FAM83G: variants seen among roughly 807,000 people sequenced by gnomAD.
The protein encoded by FAM83G is protein FAM83G.
FAM83G carries 38 observed loss-of-function variants against 61.5 expected under a neutral mutation model. The ratio of observed to expected loss-of-function variants is 0.62; its 90% CI spans 0.48 to 0.81. FAM83G has a LOEUF of 0.81. FAM83G is among the 30% of genes least tolerant of loss of function. The probability of loss-of-function intolerance (pLI) is 0.00; values close to 1 mark genes in which losing one functional copy is unlikely to be tolerated. For synonymous variants in FAM83G, 470 were observed against 476.1 expected (o/e 0.99, Z 0.17); for missense variants, 989 against 1,133.6 (o/e 0.87, Z 1.83).
At position 18,969,568 on chromosome 17, in the gene FAM83G, C is replaced by T; in HGVS notation, c.*1791G>A. On this transcript the variant is annotated 3_prime_UTR_variant, in exon 6 of 6. Transcript: ENST00000388995. The stretch of plus-strand genomic sequence containing the variant: ...TGGGTGGGTTCAGGAGGTTGAGCCA[C>T]TAGGCAGTCAGCCCCCCTGCTGGCC... 1 of 689,610 alleles carries T rather than the reference C, an allele frequency of 1.5e-6. No homozygotes were observed. Among genetic ancestry groups the T allele is most frequent in the Non-Finnish European group, 2.4e-6 (1 of 422,302 alleles). 42.7% of individuals were successfully genotyped at this position (689,610 alleles called of 1,614,324 possible).
intron 2 of FAM83G, among the ~76,000 whole-genome samples, chr17:18,992,033 G>A (rs758313769): frequency 1.8e-4 from 27 of 152,144 alleles, no homozygotes; most frequent in Non-Finnish European, 3.7e-4. Flanking sequence ...CTCCTCCAGT[G>A]AGCCAACAGC....
intron 2 of FAM83G, among the ~76,000 whole-genome samples, chr17:18,992,369 C>T (rs1318940964): frequency 1.3e-5 from 2 of 152,136 alleles, no homozygotes; most frequent in Non-Finnish European, 2.9e-5. Context: ...CCCCAGTGCC[C>T]TGCCAGGAGC....
At chr17:18,985,708 A>G (rs564292534) in intron 3 of FAM83G, among the ~76,000 whole-genome samples, 3 of 152,318 alleles carry the variant, frequency 2.0e-5, no homozygotes, top group African/African-American at 7.2e-5. Flanking sequence ...GCCAGGTCAC[A>G]CTTTCCCATG....
At chr17:18,995,126 C>T (rs1884640474) in intron 2 of FAM83G, among the ~76,000 whole-genome samples, 2 of 152,182 alleles carry the variant, frequency 1.3e-5, no homozygotes, top group African/African-American at 2.4e-5. Flanking sequence ...TTAAAAATTA[C>T]CAGACACACA....
chr17:18,981,350 C>G (rs1201146478), intron 3 of FAM83G, among the ~76,000 whole-genome samples: 1 of 152,082 alleles, frequency 6.6e-6, no homozygotes, highest in East Asian at 1.9e-4. Context: ...GCCTGCAGAG[C>G]GAGCAGGGGC....
chr17:18,984,571 C>T (rs909035142), intron 3 of FAM83G, among the ~76,000 whole-genome samples: 10 of 152,348 alleles, frequency 6.6e-5, no homozygotes, highest in South Asian at 4.1e-4. Flanking sequence ...TCATCAGAAA[C>T]GGGAAACGGG....
chr17:19,002,477 T>C (rs756376004), intron 2 of FAM83G, among the ~76,000 whole-genome samples: 12 of 152,208 alleles, frequency 7.9e-5, no homozygotes, highest in Non-Finnish European at 1.6e-4. Context: ...GAAGCCAGCA[T>C]TCTGGTCTTC....
intron 2 of FAM83G, among the ~76,000 whole-genome samples, chr17:18,989,431 C>A (rs1459176921): frequency 6.7e-6 from 1 of 149,000 alleles, no homozygotes; most frequent in East Asian, 2.0e-4. Flanking sequence ...CCCATCTGGG[C>A]TCCTCCTGGG....
rs142851713 is a variant in FAM83G, at chr17:19,000,275, G to A, written c.522+3245C>T. On this transcript the variant is annotated intron_variant, in intron 2 of 5. Transcript: ENST00000388995. The surrounding 1 kb of genome is among the most constrained non-coding windows in gnomAD (Gnocchi z 5.2). ...TGAGAGTGAGACCTGGGACCCACCC[G>A]CCTCTTGTCCCAGGGGAGTCTAGGA... Among the ~76,000 whole-genome samples, 12 of 152,290 alleles carry A rather than the reference G, an allele frequency of 7.9e-5. No homozygotes were observed. The highest frequency in any genetic ancestry group is 2.2e-4 in the African/African-American group (9 of 41,562).
In FAM83G at chr17:18,969,465, C is replaced by T. The variant is rs540340579; in HGVS notation, c.*1894G>A. On this transcript the variant is annotated 3_prime_UTR_variant, in exon 6 of 6. Coordinates refer to ENST00000388995, the MANE Select transcript of FAM83G (RefSeq NM_001039999.3). ...GGCCATGGCGGGGCTGTCCCCACAG[C>T]GAGCCCTTTGGAGTCTGGCACTGCC... is the stretch of plus-strand genomic sequence containing the variant. 7 of 1,579,270 alleles carry T rather than the reference C, an allele frequency of 4.4e-6. No homozygotes were observed. The highest frequency in any genetic ancestry group is 2.2e-5 in the East Asian group (1 of 44,698).
At chr17:18,982,728 C>A (rs1255869666) in intron 3 of FAM83G, among the ~76,000 whole-genome samples, 1 of 152,202 alleles carries the variant, frequency 6.6e-6, no homozygotes, top group Non-Finnish European at 1.5e-5. Context: ...GACATGTGAT[C>A]CAACTGTGCC....
At chr17:18,972,852 G>A (rs1597837454) in intron 5 of FAM83G, among the ~76,000 whole-genome samples, 1 of 146,880 alleles carries the variant, frequency 6.8e-6, no homozygotes, top group African/African-American at 2.5e-5. Context: ...CTGGGGGACA[G>A]AGCGAGACTC....
chr17:18,993,822 G>A (rs1014866679), intron 2 of FAM83G, among the ~76,000 whole-genome samples: 1 of 152,224 alleles, frequency 6.6e-6, no homozygotes, highest in African/African-American at 2.4e-5. Flanking sequence ...GAAGCTGCAT[G>A]ACCTTGGGCA....
chr17:18,999,255 G>A (rs577795952), intron 2 of FAM83G, among the ~76,000 whole-genome samples: 1 of 152,104 alleles, frequency 6.6e-6, no homozygotes, highest in East Asian at 1.9e-4. Flanking sequence ...TCCAGCCTGG[G>A]CGACAGAGCA....
At chr17:19,001,012 G>A (rs2043716311) in intron 2 of FAM83G, among the ~76,000 whole-genome samples, 1 of 152,166 alleles carries the variant, frequency 6.6e-6, no homozygotes, top group African/African-American at 2.4e-5. Flanking sequence ...GGATAGCCTA[G>A]AGTTTGAGGG....
rs746705113 is a variant in FAM83G at position 18,988,462 on chromosome 17, G to A, written c.523-48C>T. The A allele has an allele frequency of 2.3e-5, 36 of 1,596,500 alleles. 1 individual carries two copies. The South Asian group carries it at 3.4e-4, about 15-fold the overall frequency. Reference sequence around the variant, plus strand: ...GGGCCTGTCAGACAGTGCAGCAGTGGGGACAGGGTGCCCTGGCAGAGCGCA... The same window carrying A: ...GGGCCTGTCAGACAGTGCAGCAGTGAGGACAGGGTGCCCTGGCAGAGCGCA... On this transcript the variant is annotated intron_variant, in intron 2 of 5. Coordinates refer to ENST00000388995, the MANE Select transcript of FAM83G (RefSeq NM_001039999.3).
chr17:18,971,325 C>T lies in FAM83G; in HGVS notation c.*34G>A, dbSNP rs1457335889. 6.2e-7 allele frequency: 1 copy of T among 1,606,856 alleles called. No homozygotes were observed. ...CCGCGTCATGAGTCTGGGCTGGGGC[C>T]TCAGAAGGTGTGGCTCCAGGCTGGG... On this transcript the variant is annotated 3_prime_UTR_variant, in exon 6 of 6. Transcript: ENST00000388995. This position sits in a 1 kb window ranked among gnomAD's most constrained non-coding sequence, Gnocchi z 5.5.
rs113671266 is a variant in FAM83G at position 18,971,614 on chromosome 17, A to C, written c.2217T>G (p.Ala739=). 1 of 1,613,334 alleles carries C rather than the reference A, an allele frequency of 6.2e-7. No individual in the cohort carries two copies. The highest frequency in any genetic ancestry group is 1.3e-5 in the African/African-American group (1 of 74,890). The change falls in exon 6 of 6, where the codon GCT becomes GCG. Residue 739 remains alanine (A), a synonymous_variant. Coordinates refer to ENST00000388995, the MANE Select transcript of FAM83G (RefSeq NM_001039999.3). This position sits in a 1 kb window ranked among gnomAD's most constrained non-coding sequence, Gnocchi z 5.5. ...SSTRNAGPAM[A]GPHHWQAKGG... The stretch of plus-strand genomic sequence containing the variant: ...CCTTGGCCTGCCAGTGGTGGGGGCC[A>C]GCCATGGCTGGGCCAGCGTTTCTGG...
intron 2 of FAM83G, among the ~76,000 whole-genome samples, chr17:18,992,592 C>T (rs968252998): frequency 6.6e-6 from 1 of 152,232 alleles, no homozygotes; most frequent in Admixed American, 6.5e-5. Context: ...TCTCCCTCAG[C>T]CCCAGCCAGA....
Sources: gnomAD v4.1 joint callset for allele counts (sites outside exome capture counted in the v4.1 genomes callset) on GRCh38, gnomAD v4.1.1 for gene constraint, Gnocchi (gnomAD v3.1) non-coding constraint, MANE v1.5 for transcripts, NCBI Gene and HGNC (gene_info 2026-07-23, HGNC 2026-07-21) for gene names.